The following TWIST2 variants were observed in gnomAD, a reference collection of about 807,000 sequenced individuals.
TWIST2 encodes the protein twist family bHLH transcription factor 2, also known as twist-related protein 2.
A neutral mutation model predicts 11.6 loss-of-function variants in TWIST2; 1 was observed. That is an observed-to-expected ratio of 0.09 (90% CI 0.03 to 0.41). TWIST2 has a LOEUF of 0.41. TWIST2 is among the 10% of genes least tolerant of loss of function. The probability of loss-of-function intolerance (pLI) is 0.98; values close to 1 mark genes in which losing one functional copy is unlikely to be tolerated. For missense variants in TWIST2, 168 were observed against 226.4 expected, an observed-to-expected ratio of 0.74 and a Z score of 1.66; for synonymous variants, 87 against 96.6, an observed-to-expected ratio of 0.90 and a Z score of 0.58.
chr2:238,856,243 G>T (rs1016792187), intron 1 of TWIST2, among the ~76,000 whole-genome samples: 1 of 152,176 alleles, frequency 6.6e-6, no homozygotes, highest in Admixed American at 6.5e-5. Context: ...ATTAATTGAA[G>T]GGCATTTTAC....
chr2:238,894,504 C>T (rs1016118593), intron 1 of TWIST2, among the ~76,000 whole-genome samples: 2 of 152,196 alleles, frequency 1.3e-5, no homozygotes, highest in African/African-American at 4.8e-5. Context: ...TTGGGGGAGC[C>T]GCCCTGCCCA....
rs1362762837 is a variant in TWIST2 at position 238,867,416 on chromosome 2, T to A, written c.*35+18683T>A. On this transcript the variant is annotated intron_variant, in intron 1 of 1. Transcript: ENST00000612363. The surrounding 1 kb of genome is among the most constrained non-coding windows in gnomAD (Gnocchi z 4.8). ...ACACACACACACACACACACACTCC[T>A]CAGTAAAATACCCAGTTCTCACCAG... Among the ~76,000 whole-genome samples the A allele has an allele frequency of 1.3e-3, 61 of 46,422 alleles. No individual in the cohort carries two copies. Among genetic ancestry groups the A allele is most frequent in the Non-Finnish European group, 2.6e-3 (46 of 17,812 alleles). The allele number at this position is 46,422 out of a possible 152,430, so 30.5% of individuals were successfully genotyped here. A position where few individuals can be genotyped will look rare whatever the true frequency, so the allele number is the denominator to read the frequency against.
rs1319518553 is a variant in TWIST2, at chr2:238,871,649, AC to A, written c.*35+22924del. 3.7e-4 allele frequency among the ~76,000 whole-genome samples: 10 copies of A among 27,074 alleles called. No individual in the cohort carries two copies. The East Asian group carries it at 0.025, about 67-fold the overall frequency. 17.8% of individuals were successfully genotyped at this position (27,074 alleles called of 152,430 possible). The stretch of plus-strand genomic sequence containing the variant: ...CCCACCACACACCCCACACACAAAC[AC>A]CCCCCCCACACACACCATCACCCCC... On this transcript the variant is annotated intron_variant, in intron 1 of 1. Transcript: ENST00000612363.
rs1692907282 is a variant in TWIST2, at chr2:238,880,794, T to C, written c.*36-29048T>C. ...GTGTCAGTGTTAGTATTAGTGTTAGTGTTAGTATTTATTAGTATTAGTGTT... is the reference window on the plus strand; with the variant it reads ...GTGTCAGTGTTAGTATTAGTGTTAGCGTTAGTATTTATTAGTATTAGTGTT... On this transcript the variant is annotated intron_variant, in intron 1 of 1. Transcript: ENST00000612363. Among the ~76,000 whole-genome samples, 2 of 124,946 alleles carry C rather than the reference T, an allele frequency of 1.6e-5. 1 individual carries two copies. Among genetic ancestry groups the C allele is most frequent in the Non-Finnish European group, 3.4e-5 (2 of 58,866 alleles). The allele number at this position is 124,946 out of a possible 152,430, so 82.0% of individuals were successfully genotyped here. A position where few individuals can be genotyped will look rare whatever the true frequency, so the allele number is the denominator to read the frequency against.
At chr2:238,869,711 A>T (rs1437532487) in intron 1 of TWIST2, among the ~76,000 whole-genome samples, 1 of 152,208 alleles carries the variant, frequency 6.6e-6, no homozygotes, top group Non-Finnish European at 1.5e-5. Flanking sequence ...TGGGAGGCTG[A>T]GGCGGGAGGA....
intron 1 of TWIST2, among the ~76,000 whole-genome samples, chr2:238,903,609 T>C (rs1204742480): frequency 7.0e-6 from 1 of 142,402 alleles, no homozygotes; most frequent in East Asian, 2.2e-4. Context: ...GTGTGTGATG[T>C]GGGGTGTGTG....
chr2:238,908,151 C>T (rs1693387222), intron 1 of TWIST2, among the ~76,000 whole-genome samples: 3 of 150,750 alleles, frequency 2.0e-5, no homozygotes, highest in African/African-American at 7.4e-5. Flanking sequence ...TACACACTAC[C>T]CACTACATAC....
At chr2:238,889,112 G>A (rs955122809) in intron 1 of TWIST2, among the ~76,000 whole-genome samples, 3 of 152,184 alleles carry the variant, frequency 2.0e-5, no homozygotes, top group Non-Finnish European at 4.4e-5. Flanking sequence ...ATCCCACAGA[G>A]GACTCCTGAA....
chr2:238,906,237 C>T (rs1693352779), intron 1 of TWIST2, among the ~76,000 whole-genome samples: 1 of 151,796 alleles, frequency 6.6e-6, no homozygotes, highest in Admixed American at 6.6e-5. Flanking sequence ...CACACACGGA[C>T]CCACGCACAC....
intron 1 of TWIST2, among the ~76,000 whole-genome samples, chr2:238,903,502 T>TA (rs1693305269): frequency 1.5e-5 from 2 of 132,292 alleles, no homozygotes; most frequent in East Asian, 2.5e-4. Context: ...GTGTGTGATG[T>TA]GTGTGTGTGA....
intron 1 of TWIST2, among the ~76,000 whole-genome samples, chr2:238,899,453 T>C (rs898581514): frequency 2.0e-5 from 3 of 152,172 alleles, no homozygotes; most frequent in Non-Finnish European, 4.4e-5. Flanking sequence ...TTACCCTCAC[T>C]TGGGTGTTTT....
rs1473229056 is a variant in TWIST2, at chr2:238,863,045, T to C, written c.*35+14312T>C. ...AGCTTCCTTTCCTTCTTATGTTTTT[T>C]TTTTTTTAATTTCTAGATTTTCTAC... On this transcript the variant is annotated intron_variant, in intron 1 of 1. Coordinates refer to ENST00000612363, the MANE Select transcript of TWIST2 (RefSeq NM_001271893.4). The surrounding 1 kb of genome is among the most constrained non-coding windows in gnomAD (Gnocchi z 4.7). Among the ~76,000 whole-genome samples the C allele has an allele frequency of 6.6e-6, 1 of 150,480 alleles. No individual in the cohort carries two copies. Among genetic ancestry groups the C allele is most frequent in the African/African-American group, 2.5e-5 (1 of 39,854 alleles).
intron 1 of TWIST2, among the ~76,000 whole-genome samples, chr2:238,855,942 T>C (rs1478379063): frequency 2.0e-5 from 3 of 152,346 alleles, no homozygotes; most frequent in Admixed American, 6.5e-5. Context: ...ATTGTTTCAC[T>C]GATACCAGAA....
At chr2:238,865,024 A>G (rs1692507779) in intron 1 of TWIST2, among the ~76,000 whole-genome samples, 1 of 152,136 alleles carries the variant, frequency 6.6e-6, no homozygotes, top group Non-Finnish European at 1.5e-5. Flanking sequence ...GGTTTGAGAA[A>G]CGATGGCAAA....
intron 1 of TWIST2, among the ~76,000 whole-genome samples, chr2:238,904,948 G>C (rs1693322759): frequency 6.6e-6 from 1 of 151,388 alleles, no homozygotes; most frequent in South Asian, 2.1e-4. Flanking sequence ...GATCAATGAA[G>C]AAATGGATGG....
chr2:238,875,914 G>A (rs779348595), intron 1 of TWIST2, among the ~76,000 whole-genome samples: 37 of 152,262 alleles, frequency 2.4e-4, no homozygotes, highest in Non-Finnish European at 4.3e-4. Flanking sequence ...AATAAATCGG[G>A]TGAGGGAGCC....
chr2:238,909,628 T>C (rs1342507192), intron 1 of TWIST2, among the ~76,000 whole-genome samples: 1 of 152,084 alleles, frequency 6.6e-6, no homozygotes, highest in Non-Finnish European at 1.5e-5. Flanking sequence ...GGGCTTGGCC[T>C]GGCCCAGGGG....
rs148913325 is a variant in TWIST2, at chr2:238,883,218, T to A, written c.*36-26624T>A. 3.8e-3 allele frequency among the ~76,000 whole-genome samples: 578 copies of A among 152,280 alleles called. 7 individuals carry two copies. Among genetic ancestry groups the A allele is most frequent in the African/African-American group, 0.014 (563 of 41,558 alleles). ...GTGACTCTTGTTTTATTACCAGGAT[T>A]GGGCTGGTGACGGTTCCTCCCCCCA... On this transcript the variant is annotated intron_variant, in intron 1 of 1. Coordinates refer to ENST00000612363, the MANE Select transcript of TWIST2 (RefSeq NM_001271893.4).
rs1692485259 is a variant in TWIST2 at position 238,864,119 on chromosome 2, C to T, written c.*35+15386C>T. Among the ~76,000 whole-genome samples the T allele has an allele frequency of 6.6e-6, 1 of 152,128 alleles. No individual in the cohort carries two copies. The highest frequency in any genetic ancestry group is 1.5e-5 in the Non-Finnish European group (1 of 68,034). On this transcript the variant is annotated intron_variant, in intron 1 of 1. Transcript: ENST00000612363. This position sits in a 1 kb window ranked among gnomAD's most constrained non-coding sequence, Gnocchi z 4.7. ...CTGGCAAATTCTGGGACCACCTTTG[C>T]CAGATGACCAAATCCTTTTCGGAGA...
Sources: gnomAD v4.1 joint callset for allele counts (sites outside exome capture counted in the v4.1 genomes callset) on GRCh38, gnomAD v4.1.1 for gene constraint, Gnocchi (gnomAD v3.1) non-coding constraint, MANE v1.5 for transcripts, NCBI Gene and HGNC (gene_info 2026-07-23, HGNC 2026-07-21) for gene names.